Variants in POLR3B observed in about 807,000 individuals in gnomAD.
POLR3B encodes the protein DNA-directed RNA polymerase III subunit RPC2.
In POLR3B, 96 loss-of-function variants were observed where a neutral mutation model predicts 147.4. The ratio of observed to expected loss-of-function variants is 0.65; its 90% CI spans 0.55 to 0.77. The LOEUF (loss-of-function observed/expected upper bound fraction) is 0.77. Among genes scored for constraint, POLR3B ranks in the 30% least tolerant of loss-of-function variants. The pLI, the probability that POLR3B is intolerant of heterozygous loss-of-function variation, is 0.00. For synonymous variants in POLR3B, 461 were observed against 485.9 expected (o/e 0.95, Z 0.67); for missense variants, 1,036 against 1,413.5 (o/e 0.73, Z 4.28).
intron 2 of POLR3B, among the ~76,000 whole-genome samples, chr12:106,366,259 T>G (rs112638307): frequency 6.2e-4 from 95 of 152,320 alleles, no homozygotes; most frequent in Middle Eastern, 3.4e-3. Flanking sequence ...TATTTTGATT[T>G]CCGAGAGTCA....
chr12:106,404,345 G>T (rs1332985252), intron 10 of POLR3B, among the ~76,000 whole-genome samples: 1 of 152,036 alleles, frequency 6.6e-6, no homozygotes, highest in Non-Finnish European at 1.5e-5. Context: ...TGCCCGCCTC[G>T]GCCTCCCAAA....
At chr12:106,388,885 G>C (rs1243688301) in intron 9 of POLR3B, among the ~76,000 whole-genome samples, 3 of 152,122 alleles carry the variant, frequency 2.0e-5, no homozygotes, top group African/African-American at 7.2e-5. Context: ...ACGCTTTGTA[G>C]ATATCTAAAA....
chr12:106,437,738 A>C lies in POLR3B; in HGVS notation c.1914A>C (p.Glu638Asp), dbSNP rs748702792. The change falls in exon 18 of 28, where the codon GAA (glutamate) becomes GAC (aspartate). Residue 638 changes from glutamate to aspartate, a missense_variant. Physicochemically the swap from Glu to Asp is conservative, Grantham distance 45. Transcript: ENST00000228347. ...SLVEYLDVNE[E>D]NDCNIALYEH... ...TTGAATATTTAGATGTGAATGAAGA[A>C]AATGATTGTAACATTGCACTGTACG... 1 of 1,603,696 alleles carries C rather than the reference A, an allele frequency of 6.2e-7. No homozygotes were observed.
intron 27 of POLR3B, chr12:106,507,826 C>T (rs1259776270): frequency 8.8e-6 from 4 of 455,558 alleles, no homozygotes; most frequent in South Asian, 3.1e-5. Context: ...ATAATACAAG[C>T]TTTATTTTAC....
intron 10 of POLR3B, among the ~76,000 whole-genome samples, chr12:106,404,344 C>T (rs1315082822): frequency 1.3e-5 from 2 of 152,256 alleles, no homozygotes; most frequent in Middle Eastern, 3.4e-3. Flanking sequence ...CTGCCCGCCT[C>T]GGCCTCCCAA....
chr12:106,452,225 A>G (rs2037805953), intron 19 of POLR3B, among the ~76,000 whole-genome samples: 1 of 152,234 alleles, frequency 6.6e-6, no homozygotes, highest in Non-Finnish European at 1.5e-5. Flanking sequence ...CTATTTTAAC[A>G]TTTTAACTTA....
rs12425459 is a variant in POLR3B at position 106,458,278 on chromosome 12, A to T, written c.2453-973A>T. 2.0e-5 allele frequency among the ~76,000 whole-genome samples: 3 copies of T among 151,770 alleles called. No homozygotes were observed. The South Asian group carries it at 6.3e-4, about 32-fold the overall frequency. ...CTGGGACCCATAGGCACGTGCCACC[A>T]TGCCTGGATAGTTTTTTGTATTTTT... On this transcript the variant is annotated intron_variant, in intron 21 of 27. Transcript: ENST00000228347.
At chr12:106,376,588 T>G in intron 7 of POLR3B, 138 bp downstream of exon 7, 1 of 713,556 alleles carries the variant, frequency 1.4e-6, no homozygotes, top group Non-Finnish European at 2.5e-6. Flanking sequence ...ACCCAGAAAT[T>G]TGTCTCTAGC....
chr12:106,409,380 T>C (rs2037193991), intron 11 of POLR3B, among the ~76,000 whole-genome samples: 2 of 99,438 alleles, frequency 2.0e-5, no homozygotes, highest in Admixed American at 1.0e-4. Context: ...TTCTTGAGGA[T>C]GGACAAGAGC....
intron 23 of POLR3B, among the ~76,000 whole-genome samples, chr12:106,472,297 A>G (rs1267836528): frequency 6.6e-6 from 1 of 151,756 alleles, no homozygotes; most frequent in Non-Finnish European, 1.5e-5. Context: ...AGTCTTTGCT[A>G]TTGTAAATAG....
chr12:106,424,841 A>C (rs2037416072), intron 12 of POLR3B, among the ~76,000 whole-genome samples: 1 of 152,144 alleles, frequency 6.6e-6, no homozygotes, highest in South Asian at 2.1e-4. Context: ...CAATTTGGGG[A>C]GAACTGATAT....
At chr12:106,457,341 A>G (rs768125177) in intron 21 of POLR3B, 45 bp downstream of exon 21, 5 of 1,468,904 alleles carry the variant, frequency 3.4e-6, no homozygotes, top group South Asian at 2.3e-5. Flanking sequence ...TTTTGACATC[A>G]TATGTTATTC....
chr12:106,502,020 T>C (rs1160220314), intron 26 of POLR3B, among the ~76,000 whole-genome samples: 1 of 152,222 alleles, frequency 6.6e-6, no homozygotes, highest in Non-Finnish European at 1.5e-5. Context: ...GAATTATAGC[T>C]ACTAAGTTTC....
Position 106,424,980 on chromosome 12 carries a change from CAT to C in POLR3B, c.1102-2216_1102-2215del, listed in dbSNP as rs201530903. 3.3e-5 allele frequency among the ~76,000 whole-genome samples: 5 copies of C among 152,154 alleles called. No individual in the cohort carries two copies. The East Asian group carries it at 5.8e-4, about 18-fold the overall frequency. ...TTGTATCTTGCAAACTTGCTAAACACATGTGCTATTTCTATTAAGGTTTTTTT... is the reference window on the plus strand; with the variant it reads ...TTGTATCTTGCAAACTTGCTAAACACGTGCTATTTCTATTAAGGTTTTTTT... On this transcript the variant is annotated intron_variant, in intron 12 of 27. Coordinates refer to ENST00000228347, the MANE Select transcript of POLR3B (RefSeq NM_018082.6).
intron 9 of POLR3B, among the ~76,000 whole-genome samples, chr12:106,392,766 T>C (rs188172890): frequency 6.6e-6 from 1 of 152,288 alleles, no homozygotes; most frequent in Admixed American, 6.5e-5. Flanking sequence ...GTGATGAAAC[T>C]CTTAGAATAT....
intron 11 of POLR3B, among the ~76,000 whole-genome samples, chr12:106,408,349 A>G (rs184940140): frequency 1.3e-5 from 2 of 152,306 alleles, no homozygotes; most frequent in Admixed American, 1.3e-4. Context: ...TTGTCTTGGT[A>G]TACTGGCCTT....
At chr12:106,386,730 A>T (rs1181613531) in intron 9 of POLR3B, among the ~76,000 whole-genome samples, 3 of 151,890 alleles carry the variant, frequency 2.0e-5, no homozygotes, top group African/African-American at 7.3e-5. Flanking sequence ...ACACGGTGAA[A>T]CCCCGTCTTT....
At chr12:106,379,689 C>T (rs184539488) in intron 8 of POLR3B, among the ~76,000 whole-genome samples, 1 of 152,252 alleles carries the variant, frequency 6.6e-6, no homozygotes, top group African/African-American at 2.4e-5. Context: ...ATGTTTAAGG[C>T]CCATATATAA....
chr12:106,421,089 T>C (rs1053736296), intron 12 of POLR3B, among the ~76,000 whole-genome samples: 1 of 152,204 alleles, frequency 6.6e-6, no homozygotes, highest in African/African-American at 2.4e-5. Flanking sequence ...AACATTAAGA[T>C]GTGTCTATAT....
Sources: allele counts gnomAD v4.1 joint callset (sites outside exome capture counted in the v4.1 genomes callset), GRCh38; gene constraint gnomAD v4.1.1; transcripts MANE v1.5; gene names NCBI Gene and HGNC (gene_info 2026-07-23, HGNC 2026-07-21).